The following ABTB2 variants were observed in gnomAD, a reference collection of about 807,000 sequenced individuals.
ABTB2 encodes ankyrin repeat and BTB domain containing 2.
In ABTB2, 56 loss-of-function variants were observed where a neutral mutation model predicts 104.1. That is an observed-to-expected ratio of 0.54 (90% CI 0.43 to 0.67). ABTB2 has a LOEUF of 0.67. Among genes scored for constraint, ABTB2 ranks in the 30% least tolerant of loss-of-function variants. The pLI is 0.00. For missense variants in ABTB2, 1,279 were observed against 1,407.7 expected, an observed-to-expected ratio of 0.91 and a Z score of 1.46; for synonymous variants, 606 against 608.2, an observed-to-expected ratio of 1.00 and a Z score of 0.05.
intron 1 of ABTB2, among the ~76,000 whole-genome samples, chr11:34,338,376 T>G (rs1302734510): frequency 6.6e-6 from 1 of 150,416 alleles, no homozygotes; most frequent in Non-Finnish European, 1.5e-5. Context: ...GTGAGACCAC[T>G]TCTCAAAAAA....
At chr11:34,261,174 T>G (rs1854183766) in intron 1 of ABTB2, among the ~76,000 whole-genome samples, 1 of 152,040 alleles carries the variant, frequency 6.6e-6, no homozygotes, top group Non-Finnish European at 1.5e-5. Flanking sequence ...TTCACATCTC[T>G]CTCAATCACG....
intron 1 of ABTB2, among the ~76,000 whole-genome samples, chr11:34,206,365 G>A (rs1055982502): frequency 6.6e-6 from 1 of 152,190 alleles, no homozygotes. Flanking sequence ...CCTGGCAACA[G>A]AGACTGTGTC....
intron 1 of ABTB2, among the ~76,000 whole-genome samples, chr11:34,351,424 G>A (rs1855396747): frequency 6.6e-6 from 1 of 151,604 alleles, no homozygotes; most frequent in East Asian, 2.0e-4. Flanking sequence ...CTTGGGTATT[G>A]TACACTGAAG....
At chr11:34,188,757 T>A (rs1853135371) in intron 3 of ABTB2, among the ~76,000 whole-genome samples, 1 of 152,226 alleles carries the variant, frequency 6.6e-6, no homozygotes, top group African/African-American at 2.4e-5. Flanking sequence ...GAAAACACTT[T>A]CGCAAGCTGA....
At chr11:34,209,467 T>C (rs1362614745) in intron 1 of ABTB2, among the ~76,000 whole-genome samples, 2 of 141,060 alleles carry the variant, frequency 1.4e-5, no homozygotes, top group Non-Finnish European at 3.0e-5. Flanking sequence ...TCCCAAGATA[T>C]CAGCAGAGTT....
At chr11:34,224,343 C>T (rs888277556) in intron 1 of ABTB2, among the ~76,000 whole-genome samples, 2 of 152,038 alleles carry the variant, frequency 1.3e-5, no homozygotes, top group African/African-American at 4.8e-5. Context: ...GGGGTCTTGT[C>T]CTGCTACCCA....
intron 1 of ABTB2, among the ~76,000 whole-genome samples, chr11:34,299,654 T>A (rs1456515763): frequency 1.3e-5 from 2 of 152,204 alleles, no homozygotes; most frequent in Admixed American, 1.3e-4. Flanking sequence ...GATTTTTTCA[T>A]TTGCTAACTG....
At chr11:34,215,113 G>A (rs1853534562) in intron 1 of ABTB2, among the ~76,000 whole-genome samples, 1 of 152,222 alleles carries the variant, frequency 6.6e-6, no homozygotes, top group African/African-American at 2.4e-5. Flanking sequence ...TGTACCTACT[G>A]CTCTGAGCCT....
chr11:34,332,079 T>C (rs1158729289), intron 1 of ABTB2, among the ~76,000 whole-genome samples: 1 of 152,226 alleles, frequency 6.6e-6, no homozygotes, highest in Middle Eastern at 3.2e-3. Flanking sequence ...CCCAGTATAG[T>C]ATGCAATAGC....
In ABTB2 at chr11:34,159,918, G is replaced by A; in HGVS notation, c.2594C>T (p.Thr865Ile). ...LFYAHKVLLV[T>I]ASNRFKTLMT... ...TGAGGCTGCCTACCTGTTAGAAGCT[G>A]TCACCAGCAGGACTTTATGTGCATA... is the stretch of plus-strand genomic sequence containing the variant. Residue 865 changes from threonine (T) to isoleucine (I), a missense_variant, in exon 13 of 17, where the codon ACA becomes ATA. By Grantham distance (89) the Thr-to-Ile change is moderately conservative (BLOSUM62 -1). Transcript: ENST00000435224. The A allele has an allele frequency of 6.2e-7, 1 of 1,613,534 alleles. No individual in the cohort carries two copies. Among genetic ancestry groups the A allele is most frequent in the South Asian group, 1.1e-5 (1 of 91,070 alleles).
intron 1 of ABTB2, among the ~76,000 whole-genome samples, chr11:34,209,091 A>C (rs545105547): frequency 2.0e-5 from 3 of 152,268 alleles, no homozygotes; most frequent in Admixed American, 1.3e-4. Context: ...CAGGCCTGTA[A>C]TTCCAGCACT....
intron 1 of ABTB2, among the ~76,000 whole-genome samples, chr11:34,270,727 G>A (rs920900259): frequency 6.6e-6 from 1 of 152,176 alleles, no homozygotes; most frequent in African/African-American, 2.4e-5. Flanking sequence ...GAGTTTGGGG[G>A]GTGGGAACAG....
In ABTB2 at chr11:34,316,290, G is replaced by C. The variant is rs574514638; in HGVS notation, c.883+40411C>G. On this transcript the variant is annotated intron_variant, in intron 1 of 16. Transcript: ENST00000435224. Reference sequence around the variant, plus strand: ...ACGGACACTGCAAAAGTCGCAAATGGCTCCCTTTCATCCTTTCTTTCAACC... The same window carrying C: ...ACGGACACTGCAAAAGTCGCAAATGCCTCCCTTTCATCCTTTCTTTCAACC... 7.2e-5 allele frequency among the ~76,000 whole-genome samples: 11 copies of C among 152,292 alleles called. 1 individual carries two copies. The South Asian group carries it at 8.3e-4, about 11-fold the overall frequency.
chr11:34,221,663 C>G (rs1590220905), intron 1 of ABTB2, among the ~76,000 whole-genome samples: 1 of 152,326 alleles, frequency 6.6e-6, no homozygotes, highest in East Asian at 1.9e-4. Flanking sequence ...GCTCAACGCT[C>G]CCCTCACGGG....
At chr11:34,301,146 G>A (rs937007824) in intron 1 of ABTB2, among the ~76,000 whole-genome samples, 6 of 152,182 alleles carry the variant, frequency 3.9e-5, no homozygotes, top group African/African-American at 1.4e-4. Context: ...AGAGAAAATG[G>A]AATTTCAGCC....
In ABTB2 at chr11:34,258,605, C is replaced by CTTTT. The variant is rs35853565; in HGVS notation, c.884-53919_884-53916dup. Among the ~76,000 whole-genome samples the CTTTT allele has an allele frequency of 1.0e-2, 946 of 95,024 alleles. 32 individuals carry two copies. The highest frequency in any genetic ancestry group is 0.03 in the East Asian group (101 of 3,386). 62.3% of individuals were successfully genotyped at this position (95,024 alleles called of 152,430 possible). ...AGTGAGCACTACAGAAGTGCCTGCT[C>CTTTT]TTTTTTTTTTTTTTTTTTTTTTTGA... On this transcript the variant is annotated intron_variant, in intron 1 of 16. Transcript: ENST00000435224.
At chr11:34,270,841 G>T (rs1854306270) in intron 1 of ABTB2, among the ~76,000 whole-genome samples, 1 of 152,156 alleles carries the variant, frequency 6.6e-6, no homozygotes, top group South Asian at 2.1e-4. Flanking sequence ...TCAAGTTTTG[G>T]GTTTTCTTCG....
chr11:34,293,709 TA>T (rs1257676650), intron 1 of ABTB2, among the ~76,000 whole-genome samples: 2 of 151,838 alleles, frequency 1.3e-5, no homozygotes, highest in African/African-American at 4.8e-5. Context: ...AGGGTAAGGG[TA>T]AGGAAAACAA....
chr11:34,225,388 C>T (rs1451294673), intron 1 of ABTB2, among the ~76,000 whole-genome samples: 2 of 152,324 alleles, frequency 1.3e-5, no homozygotes, highest in Non-Finnish European at 2.9e-5. Context: ...AACAATAGCT[C>T]AGACTCCACA....
Sources: gnomAD v4.1 joint callset for allele counts (sites outside exome capture counted in the v4.1 genomes callset) on GRCh38, gnomAD v4.1.1 for gene constraint, MANE v1.5 for transcripts, NCBI Gene and HGNC (gene_info 2026-07-23, HGNC 2026-07-21) for gene names.